Variants in VPS13B observed in about 807,000 individuals in gnomAD.
The protein encoded by VPS13B is vacuolar protein sorting 13 homolog B.
A neutral mutation model predicts 426.4 loss-of-function variants in VPS13B; 285 were observed. That is an observed-to-expected ratio of 0.67 (90% confidence interval 0.61 to 0.74). The LOEUF (loss-of-function observed/expected upper bound fraction) is 0.74. Ranked by LOEUF, VPS13B falls within the 30% of genes least tolerant of loss-of-function variation. The pLI is 0.00. For missense variants in VPS13B, 4,537 were observed against 4,782.6 expected, an observed-to-expected ratio of 0.95 and a Z score of 1.51; for synonymous variants, 1,676 against 1,676.4, an observed-to-expected ratio of 1.00 and a Z score of 0.01.
chr8:99,278,170 T>A (rs749431356), intron 19 of VPS13B, among the ~76,000 whole-genome samples: 3 of 152,080 alleles, frequency 2.0e-5, no homozygotes, highest in Non-Finnish European at 4.4e-5. Flanking sequence ...CATGGCATGA[T>A]GTGTGGAAGA....
chr8:99,223,056 G>A (rs531357090), intron 17 of VPS13B, among the ~76,000 whole-genome samples: 2 of 152,226 alleles, frequency 1.3e-5, no homozygotes, highest in Middle Eastern at 3.4e-3. Flanking sequence ...TTGAACTCCT[G>A]ACCTCAAGTG....
At chr8:99,687,716 G>A (rs1346752890) in intron 35 of VPS13B, among the ~76,000 whole-genome samples, 1 of 152,084 alleles carries the variant, frequency 6.6e-6, no homozygotes, top group Non-Finnish European at 1.5e-5. Context: ...AGATGGAATA[G>A]GGTTGGCATC....
At chr8:99,028,815 T>C in intron 2 of VPS13B, among the ~76,000 whole-genome samples, 2 of 80,422 alleles carry the variant, frequency 2.5e-5, no homozygotes, top group African/African-American at 5.3e-5. Context: ...GCCCCTCACC[T>C]CCCAGATGGG....
chr8:99,534,321 C>T (rs761066145), intron 30 of VPS13B, among the ~76,000 whole-genome samples: 14 of 152,066 alleles, frequency 9.2e-5, no homozygotes, highest in South Asian at 2.1e-4. Context: ...TTGAAAATGA[C>T]GATAAGTTCT....
At chr8:99,609,482 TTCATTG>T (rs1827749527) in intron 33 of VPS13B, among the ~76,000 whole-genome samples, 1 of 152,222 alleles carries the variant, frequency 6.6e-6, no homozygotes, top group South Asian at 2.1e-4. Context: ...GCCCGCTTTG[TTCATTG>T]TAGAGAAAAT....
intron 43 of VPS13B, among the ~76,000 whole-genome samples, chr8:99,800,220 A>G (rs938931676): frequency 6.6e-6 from 1 of 152,176 alleles, no homozygotes; most frequent in Non-Finnish European, 1.5e-5. Context: ...GTACATATAT[A>G]TCAAAGTTCT....
At chr8:99,027,943 T>C (rs1038516734) in intron 2 of VPS13B, among the ~76,000 whole-genome samples, 2 of 152,154 alleles carry the variant, frequency 1.3e-5, no homozygotes, top group Non-Finnish European at 2.9e-5. Context: ...TGGTGATGAC[T>C]CTTAACAAAG....
intron 36 of VPS13B, among the ~76,000 whole-genome samples, chr8:99,707,394 C>G (rs563236481): frequency 6.6e-6 from 1 of 152,244 alleles, no homozygotes; most frequent in Non-Finnish European, 1.5e-5. Flanking sequence ...AAATATTGGT[C>G]TTTGTATATA....
In VPS13B at chr8:99,699,534, A is replaced by G. The variant is rs534471615; in HGVS notation, c.6056A>G (p.Asn2019Ser). The stretch of plus-strand genomic sequence containing the variant: ...TTTTTTACTTCTATAGCGGATGTCA[A>G]TTTGGATATATCAAAGCCTTTGAAA... ...KDFLNGPADVNLDISKPLKAN... is the reference protein window; with the variant it reads ...KDFLNGPADVSLDISKPLKAN... The change falls in exon 36 of 62, where the codon AAT becomes AGT. Residue 2019 changes from asparagine (N) to serine (S), a missense_variant. Transcript: ENST00000357162. The G allele has an allele frequency of 5.9e-5, 95 of 1,613,656 alleles. 2 individuals are homozygous for G. The South Asian group carries it at 8.7e-4, about 15-fold the overall frequency.
At chr8:99,267,729 A>G (rs964403959) in intron 17 of VPS13B, among the ~76,000 whole-genome samples, 4 of 151,908 alleles carry the variant, frequency 2.6e-5, no homozygotes, top group Non-Finnish European at 5.9e-5. Flanking sequence ...CCGTCAAAAA[A>G]AAAAAAGAAA....
At chr8:99,706,771 T>C (rs991676867) in intron 36 of VPS13B, among the ~76,000 whole-genome samples, 1 of 152,138 alleles carries the variant, frequency 6.6e-6, no homozygotes, top group Non-Finnish European at 1.5e-5. Context: ...ATTCTAATGA[T>C]AGCCCCTATT....
rs1844804712 is a variant in VPS13B at position 99,070,623 on chromosome 8, T to G, written c.292-25689T>G. On this transcript the variant is annotated intron_variant, in intron 3 of 61. Coordinates refer to ENST00000357162, the MANE Select transcript of VPS13B (RefSeq NM_152564.5). ...TTTCTGATACTCCCCTTCAGAGACA[T>G]ATATTATCTATAGGTTTCCTCTCCA... Among the ~76,000 whole-genome samples the G allele has an allele frequency of 2.6e-5, 4 of 152,166 alleles. No homozygotes were observed. The South Asian group carries it at 6.2e-4, about 24-fold the overall frequency.
rs77156188 is a variant in VPS13B at position 99,582,147 on chromosome 8, C to A, written c.5220+4514C>A. Among the ~76,000 whole-genome samples, 1,275 of 152,268 alleles carry A rather than the reference C, an allele frequency of 8.4e-3. 20 individuals carry two copies. Among genetic ancestry groups the A allele is most frequent in the African/African-American group, 0.029 (1,198 of 41,548 alleles). On this transcript the variant is annotated intron_variant, in intron 33 of 61. Coordinates refer to ENST00000357162, the MANE Select transcript of VPS13B (RefSeq NM_152564.5). ...CAATTGGTTTACCCTTCAGAAGGTT[C>A]TTTACCTTCTTACAAGATAGTCTTA...
At chr8:99,152,195 C>T (rs1261066599) in intron 14 of VPS13B, among the ~76,000 whole-genome samples, 3 of 152,102 alleles carry the variant, frequency 2.0e-5, no homozygotes, top group East Asian at 1.9e-4. Context: ...CTACAAATTT[C>T]GATAAGTTGG....
intron 17 of VPS13B, among the ~76,000 whole-genome samples, chr8:99,227,364 C>T (rs559328247): frequency 2.0e-5 from 3 of 152,130 alleles, no homozygotes; most frequent in South Asian, 2.1e-4. Context: ...TTATTGTACT[C>T]ATTGGAGCTG....
At chr8:99,489,797 T>A (rs894347125) in intron 25 of VPS13B, among the ~76,000 whole-genome samples, 10 of 152,182 alleles carry the variant, frequency 6.6e-5, no homozygotes, top group Non-Finnish European at 1.3e-4. Flanking sequence ...CTTAAGGAGA[T>A]TTGGGGCTGA....
At chr8:99,604,482 T>C (rs919033771) in intron 33 of VPS13B, among the ~76,000 whole-genome samples, 1 of 151,124 alleles carries the variant, frequency 6.6e-6, no homozygotes, top group Non-Finnish European at 1.5e-5. Flanking sequence ...CAGTTTCTCA[T>C]AGTTTCCTTG....
intron 17 of VPS13B, among the ~76,000 whole-genome samples, chr8:99,205,205 G>C (rs1441024003): frequency 6.6e-6 from 1 of 152,110 alleles, no homozygotes; most frequent in Non-Finnish European, 1.5e-5. Context: ...GTTTTTGCAG[G>C]GAGATAGATG....
At chr8:99,694,884 A>G (rs1253143558) in intron 35 of VPS13B, among the ~76,000 whole-genome samples, 8 of 152,204 alleles carry the variant, frequency 5.3e-5, no homozygotes, top group East Asian at 1.9e-4. Flanking sequence ...AAAAGTGGGC[A>G]AAGGACATGA....
Sources: gnomAD v4.1 joint callset for allele counts (sites outside exome capture counted in the v4.1 genomes callset) on GRCh38, gnomAD v4.1.1 for gene constraint, MANE v1.5 for transcripts, NCBI Gene and HGNC (gene_info 2026-07-23, HGNC 2026-07-21) for gene names.